TAFA1: variants seen among roughly 807,000 people sequenced by gnomAD.
The protein encoded by TAFA1 is chemokine-like protein TAFA-1.
A neutral mutation model predicts 18.5 loss-of-function variants in TAFA1; 4 were observed. The ratio of observed to expected loss-of-function variants is 0.22; its 90% CI spans 0.11 to 0.49. TAFA1 has a LOEUF of 0.49. Ranked by LOEUF, TAFA1 falls within the 20% of genes least tolerant of loss-of-function variation. TAFA1 has a pLI of 0.98. For missense variants in TAFA1, 147 were observed against 169.0 expected, an observed-to-expected ratio of 0.87 and a Z score of 0.72; for synonymous variants, 56 against 55.2, an observed-to-expected ratio of 1.01 and a Z score of -0.06.
intron 3 of TAFA1, among the ~76,000 whole-genome samples, chr3:68,536,009 G>A (rs532981168): frequency 4.5e-4 from 69 of 152,308 alleles, no homozygotes; most frequent in Non-Finnish European, 8.7e-4. Flanking sequence ...TTAGATGAAT[G>A]TGTGTCTCAA....
At chr3:68,023,174 A>G (rs1312789501) in intron 2 of TAFA1, among the ~76,000 whole-genome samples, 1 of 152,000 alleles carries the variant, frequency 6.6e-6, no homozygotes, top group Non-Finnish European at 1.5e-5. Flanking sequence ...CAGCGTTAAG[A>G]TGGAAGTAAA....
chr3:68,185,503 T>A (rs986333404), intron 2 of TAFA1, among the ~76,000 whole-genome samples: 12 of 152,284 alleles, frequency 7.9e-5, no homozygotes, highest in Non-Finnish European at 1.6e-4. Context: ...CCTTAATTTG[T>A]TGCATTAAAT....
intron 2 of TAFA1, among the ~76,000 whole-genome samples, chr3:68,401,754 C>A (rs1254823252): frequency 6.6e-6 from 1 of 152,180 alleles, no homozygotes; most frequent in African/African-American, 2.4e-5. Context: ...ATCTTCATTA[C>A]CAGTCTTCAG....
intron 1 of TAFA1, chr3:68,006,395 C>G (rs1704357612): frequency 2.0e-6 from 1 of 495,580 alleles, no homozygotes; most frequent in Non-Finnish European, 3.7e-6. Flanking sequence ...TTTTGCCAAT[C>G]CTTGGAGTTT....
the TAFA1 span, among the ~76,000 whole-genome samples, chr3:67,994,951 G>C: frequency 6.6e-6 from 1 of 151,978 alleles, no homozygotes; most frequent in Non-Finnish European, 1.5e-5. Flanking sequence ...TGAAAATCAG[G>C]AAGGATCATA....
At position 68,087,416 on chromosome 3, in the gene TAFA1, TTTA is replaced by T. The variant is rs529866750; in HGVS notation, c.118+80676_118+80678del. On this transcript the variant is annotated intron_variant, in intron 2 of 4. Transcript: ENST00000478136. ...ATTAATGTTAATACAAGTAATACATTTTATTAACACAAAAATATATAAAAATAG... is the reference window on the plus strand; with the variant it reads ...ATTAATGTTAATACAAGTAATACATTTTAACACAAAAATATATAAAAATAG... Among the ~76,000 whole-genome samples, 412 of 152,260 alleles carry T rather than the reference TTTA, an allele frequency of 2.7e-3. 3 individuals carry two copies. Among genetic ancestry groups the T allele is most frequent in the African/African-American group, 9.5e-3 (395 of 41,554 alleles).
intron 2 of TAFA1, among the ~76,000 whole-genome samples, chr3:68,269,408 C>A (rs1176808864): frequency 6.6e-6 from 1 of 152,148 alleles, no homozygotes; most frequent in Admixed American, 6.5e-5. Flanking sequence ...GATGAGGTTA[C>A]AATGAGCTAT....
chr3:68,214,439 C>G (rs2066630905), intron 2 of TAFA1, among the ~76,000 whole-genome samples: 1 of 151,994 alleles, frequency 6.6e-6, no homozygotes, highest in Non-Finnish European at 1.5e-5. Flanking sequence ...AGGCCTTTCC[C>G]TTTGCACAAA....
At chr3:68,251,452 G>A (rs2067193959) in intron 2 of TAFA1, among the ~76,000 whole-genome samples, 2 of 152,150 alleles carry the variant, frequency 1.3e-5, no homozygotes, top group Admixed American at 1.3e-4. Context: ...TTCATTGCAT[G>A]CCCACTCTAG....
chr3:68,109,519 A>G (rs1006172936), intron 2 of TAFA1, among the ~76,000 whole-genome samples: 4 of 152,194 alleles, frequency 2.6e-5, no homozygotes, highest in African/African-American at 9.6e-5. Context: ...TATGTAAAAA[A>G]TTAAATAGAG....
intron 2 of TAFA1, among the ~76,000 whole-genome samples, chr3:68,174,224 AT>A (rs1310738966): frequency 1.3e-5 from 2 of 152,178 alleles, no homozygotes; most frequent in African/African-American, 4.8e-5. Flanking sequence ...TTAAAAGATA[AT>A]TGTGGTCCAT....
At chr3:68,490,055 CCAATGATAGAGCTCAAGCTTT>C (rs2072421347) in intron 3 of TAFA1, among the ~76,000 whole-genome samples, 1 of 152,130 alleles carries the variant, frequency 6.6e-6, no homozygotes, top group African/African-American at 2.4e-5. Context: ...GCATTTGTTG[CCAATGATAGAGCTCAAGCTTT>C]CAAGTGAAAA....
the TAFA1 span, among the ~76,000 whole-genome samples, chr3:67,998,830 A>C: frequency 6.6e-6 from 1 of 152,208 alleles, no homozygotes; most frequent in Non-Finnish European, 1.5e-5. Flanking sequence ...CCTGTGGGCT[A>C]TCAACCCATA....
At chr3:68,509,565 G>A (rs920635761) in intron 3 of TAFA1, among the ~76,000 whole-genome samples, 1 of 152,080 alleles carries the variant, frequency 6.6e-6, no homozygotes, top group Non-Finnish European at 1.5e-5. Context: ...ATGCTTATGG[G>A]CAAGGACTAG....
At chr3:68,182,369 T>C (rs1033394732) in intron 2 of TAFA1, among the ~76,000 whole-genome samples, 2 of 152,168 alleles carry the variant, frequency 1.3e-5, no homozygotes, top group Non-Finnish European at 2.9e-5. Flanking sequence ...GTGCTCAGTA[T>C]GGAGATACAA....
intron 2 of TAFA1, among the ~76,000 whole-genome samples, chr3:68,331,989 G>A (rs575089479): frequency 4.2e-5 from 6 of 144,000 alleles, no homozygotes; most frequent in African/African-American, 7.8e-5. Flanking sequence ...TCAGCCTCCC[G>A]AGTAGCTGGG....
intron 3 of TAFA1, among the ~76,000 whole-genome samples, chr3:68,438,498 T>A (rs1324589715): frequency 6.6e-6 from 1 of 152,142 alleles, no homozygotes; most frequent in Non-Finnish European, 1.5e-5. Context: ...CCCAGCTCAC[T>A]TAGGGTTGCA....
At position 68,254,504 on chromosome 3, in the gene TAFA1, A is replaced by G. The variant is rs180858226; in HGVS notation, c.119-162776A>G. ...CATTTGCATTAATCTCTGAAATGAA[A>G]CACTTCCATATGGCTTTCATGGTGG... On this transcript the variant is annotated intron_variant, in intron 2 of 4. Coordinates refer to ENST00000478136, the MANE Select transcript of TAFA1 (RefSeq NM_213609.4). 2.1e-4 allele frequency among the ~76,000 whole-genome samples: 32 copies of G among 152,164 alleles called. No homozygotes were observed. In the East Asian group the frequency reaches 6.0e-3, roughly 29 times the overall value.
At chr3:68,071,900 AG>A (rs1260434801) in intron 2 of TAFA1, among the ~76,000 whole-genome samples, 1 of 152,058 alleles carries the variant, frequency 6.6e-6, no homozygotes, top group African/African-American at 2.4e-5. Flanking sequence ...CCAAGCCATG[AG>A]GGATCCGCCC....
Sources: allele counts gnomAD v4.1 joint callset (sites outside exome capture counted in the v4.1 genomes callset), GRCh38; gene constraint gnomAD v4.1.1; transcripts MANE v1.5; gene names NCBI Gene and HGNC (gene_info 2026-07-23, HGNC 2026-07-21).